ADCY2: variants seen among roughly 807,000 people sequenced by gnomAD.
ADCY2 encodes the protein adenylate cyclase 2.
Under a neutral mutation model 125.2 loss-of-function variants are expected in ADCY2, and 31 were observed. The observed-to-expected ratio is 0.25, with a 90% CI of 0.19 to 0.33. The LOEUF (loss-of-function observed/expected upper bound fraction) is 0.33. Among genes scored for constraint, ADCY2 ranks in the 10% least tolerant of loss-of-function variants. ADCY2 has a pLI of 1.00. For synonymous variants in ADCY2, 512 were observed against 548.4 expected, an observed-to-expected ratio of 0.93 and a Z score of 0.93; for missense variants, 904 against 1,418.2, an observed-to-expected ratio of 0.64 and a Z score of 5.82.
chr5:7,448,255 A>T (rs1741348742), intron 2 of ADCY2, among the ~76,000 whole-genome samples: 1 of 152,198 alleles, frequency 6.6e-6, no homozygotes, highest in African/African-American at 2.4e-5. Context: ...CAAAGGAGTT[A>T]TCAGGAGAAT....
intron 4 of ADCY2, among the ~76,000 whole-genome samples, chr5:7,644,051 AAAAT>A (rs1402996348): frequency 5.9e-5 from 9 of 152,206 alleles, no homozygotes; most frequent in East Asian, 1.9e-4. Flanking sequence ...CTCTTATTTT[AAAAT>A]AAATAAACTA....
intron 4 of ADCY2, among the ~76,000 whole-genome samples, chr5:7,679,711 G>A (rs138620677): frequency 1.8e-4 from 27 of 152,320 alleles, no homozygotes; most frequent in African/African-American, 6.0e-4. Flanking sequence ...TATTGACTAC[G>A]CTAAGATTAT....
At chr5:7,743,971 C>T (rs182067431) in intron 15 of ADCY2, among the ~76,000 whole-genome samples, 3 of 152,254 alleles carry the variant, frequency 2.0e-5, no homozygotes, top group East Asian at 1.9e-4. Flanking sequence ...TGATTCAAAA[C>T]GTTCGATGTC....
chr5:7,420,363 G>C lies in ADCY2; in HGVS notation c.408+5593G>C, dbSNP rs1403093797. ...TGGCAGTTTTGATCAGGAAAGAGGA[G>C]TAATTTTTCAGTGTGTGCCCCTGAG... On this transcript the variant is annotated intron_variant, in intron 2 of 24. Transcript: ENST00000338316. 2.6e-5 allele frequency among the ~76,000 whole-genome samples: 4 copies of C among 152,284 alleles called. No homozygotes were observed. The South Asian group carries it at 8.3e-4, about 32-fold the overall frequency.
rs1291830488 is a variant in ADCY2 at position 7,717,312 on chromosome 5, A to G, written c.1703+75A>G. The G allele has an allele frequency of 1.5e-5, 15 of 1,025,810 alleles. 1 individual carries two copies. Among genetic ancestry groups the G allele is most frequent in the African/African-American group, 1.3e-4 (8 of 61,630 alleles). 63.5% of individuals were successfully genotyped at this position (1,025,810 alleles called of 1,614,324 possible). A position where few individuals can be genotyped will look rare whatever the true frequency, so the allele number is the denominator to read the frequency against. On this transcript the variant is annotated intron_variant, in intron 12 of 24. Coordinates refer to ENST00000338316, the MANE Select transcript of ADCY2 (RefSeq NM_020546.3). ...GTTGTATTTTATCATGGGCTCTGCA[A>G]TAGTTACCATGACAAAGCCAAGTTT...
chr5:7,786,967 CAG>C (rs991635243), intron 19 of ADCY2, among the ~76,000 whole-genome samples: 3 of 152,186 alleles, frequency 2.0e-5, no homozygotes, highest in Admixed American at 6.5e-5. Flanking sequence ...AGAGCCCCAG[CAG>C]GGAGGGTCAT....
At chr5:7,526,769 A>G (rs10076534) in intron 3 of ADCY2, among the ~76,000 whole-genome samples, 13,891 of 152,158 alleles carry the variant, frequency 0.091, 746 homozygotes, top group South Asian at 0.24. Flanking sequence ...TTTCTTTGTT[A>G]TACTAACTGA....
chr5:7,511,116 T>A (rs763314349), intron 2 of ADCY2, among the ~76,000 whole-genome samples: 1 of 152,162 alleles, frequency 6.6e-6, no homozygotes, highest in Non-Finnish European at 1.5e-5. Flanking sequence ...TCATTGAGGT[T>A]TTTTAGGTGC....
chr5:7,476,953 G>A (rs943973851), intron 2 of ADCY2, among the ~76,000 whole-genome samples: 1 of 152,118 alleles, frequency 6.6e-6, no homozygotes, highest in Non-Finnish European at 1.5e-5. Flanking sequence ...AAGAAATATT[G>A]TGTCTTGCTT....
intron 3 of ADCY2, among the ~76,000 whole-genome samples, chr5:7,581,819 CA>C (rs59841590): frequency 0.55 from 68,595 of 123,762 alleles, 16,932 homozygotes; most frequent in Non-Finnish European, 0.6. Context: ...GACTCAGTCT[CA>C]AAAAAAAAAA....
At chr5:7,717,370 C>T (rs1741622001) in intron 12 of ADCY2, 133 bp downstream of exon 12, 2 of 529,458 alleles carry the variant, frequency 3.8e-6, no homozygotes, top group East Asian at 6.2e-5. Flanking sequence ...CTTCAGTTGT[C>T]CCTCAGAATA....
rs1443104319 is a variant in ADCY2 at position 7,482,791 on chromosome 5, T to TATATATAC, written c.409-37946_409-37945insTATATACA. Reference sequence around the variant, plus strand: ...TGATATATATATATATATATATATATACACACACACATACATATATACATA... The same window carrying TATATATAC: ...TGATATATATATATATATATATATATATATATACACACACACACATACATATATACATA... On this transcript the variant is annotated intron_variant, in intron 2 of 24. Transcript: ENST00000338316. Among the ~76,000 whole-genome samples, 460 of 139,804 alleles carry TATATATAC rather than the reference T, an allele frequency of 3.3e-3. 1 individual carries two copies. Among genetic ancestry groups the TATATATAC allele is most frequent in the South Asian group, 0.012 (56 of 4,618 alleles). The allele number at this position is 139,804 out of a possible 152,430, so 91.7% of individuals were successfully genotyped here. A position where few individuals can be genotyped will look rare whatever the true frequency, so the allele number is the denominator to read the frequency against.
chr5:7,686,373 A>T (rs983336189), intron 4 of ADCY2, among the ~76,000 whole-genome samples: 1 of 152,218 alleles, frequency 6.6e-6, no homozygotes, highest in Admixed American at 6.5e-5. Context: ...CTTATATCAG[A>T]CATAATTTAA....
chr5:7,766,717 C>T lies in ADCY2; in HGVS notation c.2125C>T (p.Pro709Ser). Residue 709 changes from proline (P) to serine (S), a missense_variant, in exon 17 of 25, where the codon CCT becomes TCT. Pro to Ser is a moderately conservative substitution (Grantham distance 74, BLOSUM62 -1). Coordinates refer to ENST00000338316, the MANE Select transcript of ADCY2 (RefSeq NM_020546.3). ...FFLSDSEETI[P>S]PTANTTNTSF... ...CCTGAGTGACTCAGAGGAAACAATCCCTCCAACTGCCAACACAACAAACAC... is the reference window on the plus strand; with the variant it reads ...CCTGAGTGACTCAGAGGAAACAATCTCTCCAACTGCCAACACAACAAACAC... The T allele has an allele frequency of 6.2e-7, 1 of 1,611,572 alleles. No homozygotes were observed. The highest frequency in any genetic ancestry group is 1.1e-5 in the South Asian group (1 of 90,214).
chr5:7,481,738 G>C (rs77467734), intron 2 of ADCY2, among the ~76,000 whole-genome samples: 7,701 of 151,742 alleles, frequency 0.051, 287 homozygotes, highest in African/African-American at 0.097. Flanking sequence ...TATATCTTCT[G>C]CCATCCAATG....
At chr5:7,798,092 T>C (rs189782672) in intron 20 of ADCY2, 13 of 152,102 alleles carry the variant, frequency 8.5e-5, no homozygotes, top group Admixed American at 7.2e-4. Context: ...AAAAAGAGAA[T>C]TGGTGTAGGG....
intron 20 of ADCY2, chr5:7,800,962 A>C (rs879656236): frequency 2.0e-5 from 3 of 152,188 alleles, no homozygotes; most frequent in Non-Finnish European, 4.4e-5. Flanking sequence ...CAAAATAGAA[A>C]AGAAAACCTT....
intron 7 of ADCY2, among the ~76,000 whole-genome samples, chr5:7,699,181 T>G (rs1191028061): frequency 7.8e-6 from 1 of 127,590 alleles, no homozygotes; most frequent in Non-Finnish European, 1.6e-5. Flanking sequence ...CACTGCAAGC[T>G]CCGCCTCCCG....
chr5:7,718,935 T>A (rs1054766176), intron 12 of ADCY2, among the ~76,000 whole-genome samples: 1 of 152,118 alleles, frequency 6.6e-6, no homozygotes, highest in Admixed American at 6.5e-5. Flanking sequence ...CTCGCCAGAA[T>A]AAGACACAAG....
Sources: allele counts gnomAD v4.1 joint callset (sites outside exome capture counted in the v4.1 genomes callset), GRCh38; gene constraint gnomAD v4.1.1; transcripts MANE v1.5; gene names NCBI Gene and HGNC (gene_info 2026-07-23, HGNC 2026-07-21).